CCZ1: variants seen among roughly 807,000 people sequenced by gnomAD.
CCZ1 encodes the protein vacuolar fusion protein CCZ1 homolog.
In CCZ1, 19 loss-of-function variants were observed where a neutral mutation model predicts 57.8. The ratio of observed to expected loss-of-function variants is 0.33; its 90% CI spans 0.23 to 0.48. The LOEUF (loss-of-function observed/expected upper bound fraction) is 0.48, where lower values mean the gene tolerates loss of function less well. Among genes scored for constraint, CCZ1 ranks in the 20% least tolerant of loss-of-function variants. The probability of loss-of-function intolerance (pLI) is 0.99; values close to 1 mark genes in which losing one functional copy is unlikely to be tolerated. For synonymous variants in CCZ1, 81 were observed against 167.0 expected (o/e 0.49, Z 3.97); for missense variants, 200 against 492.0 (o/e 0.41, Z 5.61).
chr7:5,922,655 A>G (rs573932428), intron 12 of CCZ1, among the ~76,000 whole-genome samples: 1 of 151,502 alleles, frequency 6.6e-6, no homozygotes, highest in South Asian at 2.1e-4. Flanking sequence ...TTTAAGAAAT[A>G]AAAAGGTACA....
intron 10 of CCZ1, among the ~76,000 whole-genome samples, chr7:5,916,691 T>C (rs146625100): frequency 0.078 from 10,035 of 128,666 alleles, 31 homozygotes; most frequent in East Asian, 0.11. Context: ...ATCCAGAGAT[T>C]TGATTGGGGG....
At position 5,910,041 on chromosome 7, in the gene CCZ1, A is replaced by G; in HGVS notation, c.705A>G (p.Gly235=). 6.2e-7 allele frequency: 1 copy of G among 1,601,668 alleles called. No homozygotes were observed. The highest frequency in any genetic ancestry group is 1.1e-5 in the South Asian group (1 of 90,308). Reference sequence around the variant, plus strand: ...TGCTTTTCTGTTGTTGCAGGAGTGGATTAGAACAAGATGACATGAGAATTT... The same window carrying G: ...TGCTTTTCTGTTGTTGCAGGAGTGGGTTAGAACAAGATGACATGAGAATTT... The part of the protein sequence containing the change: ...FLYNDQLIWS[G]LEQDDMRILY... The change falls in exon 8 of 15, where the codon GGA becomes GGG. Residue 235 remains glycine, a synonymous_variant. Transcript: ENST00000325974.
chr7:5,924,431 A>G (rs1779316531), intron 14 of CCZ1, among the ~76,000 whole-genome samples: 1 of 94,816 alleles, frequency 1.1e-5, no homozygotes. Context: ...TTTGAAACAG[A>G]GTCTTGCTCT....
chr7:5,925,443 G>A (rs961746016), intron 14 of CCZ1, 189 bp from the exon 15 acceptor site: 19 of 543,026 alleles, frequency 3.5e-5, no homozygotes, highest in Middle Eastern at 5.2e-4. Context: ...CTCCAGCCTG[G>A]GTGACAGAGC....
At chr7:5,900,119 C>T (rs1781649050) in intron 1 of CCZ1, among the ~76,000 whole-genome samples, 165 bp from the exon 2 acceptor site, 1 of 151,194 alleles carries the variant, frequency 6.6e-6, no homozygotes, top group Non-Finnish European at 1.5e-5. Context: ...CCGCCTCAGC[C>T]TCTGAAAATA....
chr7:5,924,212 CTTTATA>C (rs777000527), intron 14 of CCZ1, among the ~76,000 whole-genome samples: 2,271 of 69,176 alleles, frequency 0.033, 423 homozygotes, highest in Non-Finnish European at 0.051. Flanking sequence ...AAAAAAATGA[CTTTATA>C]TTAAGAAATG....
At chr7:5,906,876 T>G (rs1781840647) in intron 7 of CCZ1, among the ~76,000 whole-genome samples, 1 of 150,816 alleles carries the variant, frequency 6.6e-6, no homozygotes, top group Non-Finnish European at 1.5e-5. Flanking sequence ...CTACTTTTTT[T>G]TTTGTTTTTG....
rs1781659831 is a variant in CCZ1, at chr7:5,900,388, C to T, written c.218+7C>T. On this transcript the variant is annotated splice_region_variant and intron_variant, in intron 2 of 14. Coordinates refer to ENST00000325974, the MANE Select transcript of CCZ1 (RefSeq NM_015622.6). ...CTATTGTACAGTTTACAAGGTAATA[C>T]CTCTAAGTGTGCTTTTAGCGTTCAG... is the stretch of plus-strand genomic sequence containing the variant. 6 of 1,554,882 alleles carry T rather than the reference C, an allele frequency of 3.9e-6. 1 individual carries two copies. The highest frequency in any genetic ancestry group is 4.4e-6 in the Non-Finnish European group (5 of 1,146,840).
intron 7 of CCZ1, among the ~76,000 whole-genome samples, chr7:5,906,278 C>T (rs1181596986): frequency 6.8e-6 from 1 of 146,438 alleles, no homozygotes; most frequent in East Asian, 2.3e-4. Context: ...TTCTGGGACC[C>T]TCAAGTTTTA....
At chr7:5,903,336 T>C (rs1781727456) in intron 6 of CCZ1, among the ~76,000 whole-genome samples, 1 of 143,336 alleles carries the variant, frequency 7.0e-6, no homozygotes. Context: ...CTTGGTTGTT[T>C]TGCCCAGGCT....
chr7:5,922,856 G>C (rs1779271086), intron 12 of CCZ1, among the ~76,000 whole-genome samples: 2 of 149,648 alleles, frequency 1.3e-5, no homozygotes, highest in Non-Finnish European at 3.0e-5. Context: ...TCCTCAAGCA[G>C]GGGTCAGCAG....
intron 6 of CCZ1, 69 bp downstream of exon 6, chr7:5,902,813 A>T: frequency 3.9e-6 from 6 of 1,542,590 alleles, no homozygotes; most frequent in Non-Finnish European, 5.2e-6. Flanking sequence ...ATATAGACAG[A>T]CAAGTTTGTT....
chr7:5,915,503 G>A (rs1288218438), intron 10 of CCZ1, among the ~76,000 whole-genome samples: 2 of 141,314 alleles, frequency 1.4e-5, no homozygotes, highest in Non-Finnish European at 3.1e-5. Flanking sequence ...TGATGGGATT[G>A]TGGCTATGTT....
intron 8 of CCZ1, among the ~76,000 whole-genome samples, chr7:5,910,493 A>G (rs1410685512): frequency 1.4e-5 from 2 of 146,710 alleles, no homozygotes; most frequent in African/African-American, 5.0e-5. Flanking sequence ...CGCCCAGCTA[A>G]TTTTTTTGTA....
intron 14 of CCZ1, among the ~76,000 whole-genome samples, chr7:5,924,452 C>T (rs1179380693): frequency 2.1e-5 from 2 of 93,322 alleles, no homozygotes; most frequent in East Asian, 4.4e-4. Context: ...GTCGCACAGG[C>T]TGGGCTCAAA....
intron 5 of CCZ1, chr7:5,902,313 A>G (rs990425637): frequency 2.7e-4 from 59 of 220,310 alleles, no homozygotes; most frequent in African/African-American, 1.3e-3. Context: ...AAAAAAAAAA[A>G]AGGATAAAAA....
Position 5,926,370 on chromosome 7 carries a change from ACTT to A in CCZ1, c.*684_*686del. On this transcript the variant is annotated 3_prime_UTR_variant, in exon 15 of 15. Coordinates refer to ENST00000325974, the MANE Select transcript of CCZ1 (RefSeq NM_015622.6). The stretch of plus-strand genomic sequence containing the variant: ...TGTGTGTGTGTCCTCGTGTCTCTCT[ACTT>A]TTTCTTCTTCTTGCTGGTGATGGTC... The A allele has an allele frequency of 7.0e-7, 1 of 1,429,006 alleles. No homozygotes were observed. Among genetic ancestry groups the A allele is most frequent in the South Asian group, 1.1e-5 (1 of 88,456 alleles). The allele number at this position is 1,429,006 out of a possible 1,614,324, so 88.5% of individuals were successfully genotyped here. A position where few individuals can be genotyped will look rare whatever the true frequency, so the allele number is the denominator to read the frequency against.
Position 5,900,135 on chromosome 7 carries a change from A to T in CCZ1, c.121-149A>T, listed in dbSNP as rs1583179628. ...CGCCTCAGCCTCTGAAAATACTAGG[A>T]TTACAATTCCTGTTTTTCTAAAACC... On this transcript the variant is annotated intron_variant, in intron 1 of 14. Transcript: ENST00000325974. 1.3e-5 allele frequency: 13 copies of T among 975,840 alleles called. No homozygotes were observed. The South Asian group carries it at 2.3e-4, about 17-fold the overall frequency. 60.4% of individuals were successfully genotyped at this position (975,840 alleles called of 1,614,324 possible). A position where few individuals can be genotyped will look rare whatever the true frequency, so the allele number is the denominator to read the frequency against.
intron 1 of CCZ1, among the ~76,000 whole-genome samples, chr7:5,899,332 G>GTGTGTGTGTGTGTGTGT (rs1781623164): frequency 3.9e-5 from 5 of 128,856 alleles, no homozygotes; most frequent in African/African-American, 1.4e-4. Flanking sequence ...TTTCGGGAGG[G>GTGTGTGTGTGTGTGTGT]GGGTGTGTGT....
Sources: gnomAD v4.1 joint callset for allele counts (sites outside exome capture counted in the v4.1 genomes callset) on GRCh38, gnomAD v4.1.1 for gene constraint, MANE v1.5 for transcripts, NCBI Gene and HGNC (gene_info 2026-07-23, HGNC 2026-07-21) for gene names.